CNTLN: variants seen among roughly 807,000 people sequenced by gnomAD.
The protein encoded by CNTLN is centlein.
Under a neutral mutation model 180.0 loss-of-function variants are expected in CNTLN, and 212 were observed. The observed-to-expected ratio is 1.18, with a 90% CI of 1.05 to 1.32. The LOEUF is 1.32. Among genes scored for constraint, CNTLN ranks in the 40% most tolerant of loss-of-function variants. CNTLN has a pLI of 0.00. For missense variants in CNTLN, 2,095 were observed against 1,610.9 expected (o/e 1.30, Z -5.14); for synonymous variants, 722 against 563.1 (o/e 1.28, Z -3.99).
At chr9:17,515,525 T>C in the CNTLN span, among the ~76,000 whole-genome samples, 14 of 152,158 alleles carry the variant, frequency 9.2e-5, no homozygotes, top group African/African-American at 3.4e-4. Context: ...ATGTCACATG[T>C]CCAGAGCTGA....
chr9:17,362,716 T>G (rs1823497285), intron 12 of CNTLN, among the ~76,000 whole-genome samples: 1 of 152,158 alleles, frequency 6.6e-6, no homozygotes, highest in African/African-American at 2.4e-5. Context: ...AATTTTTTTC[T>G]TGCACGTTTT....
chr9:17,352,313 C>G (rs1368629078), intron 12 of CNTLN, among the ~76,000 whole-genome samples: 2 of 150,128 alleles, frequency 1.3e-5, no homozygotes, highest in African/African-American at 2.4e-5. Context: ...TAGCTAAAAT[C>G]AAAATATTAT....
At chr9:17,218,844 A>G (rs1255695210) in intron 2 of CNTLN, among the ~76,000 whole-genome samples, 2 of 152,134 alleles carry the variant, frequency 1.3e-5, no homozygotes, top group African/African-American at 2.4e-5. Flanking sequence ...TCATTTTGAC[A>G]TCTCATTAAA....
intron 2 of CNTLN, among the ~76,000 whole-genome samples, chr9:17,187,165 T>A (rs1352627068): frequency 6.6e-6 from 1 of 152,116 alleles, no homozygotes; most frequent in Non-Finnish European, 1.5e-5. Flanking sequence ...CTTATTAGCT[T>A]TGATTTTGGG....
At chr9:17,209,931 T>C (rs1256303606) in intron 2 of CNTLN, among the ~76,000 whole-genome samples, 1 of 152,220 alleles carries the variant, frequency 6.6e-6, no homozygotes, top group Non-Finnish European at 1.5e-5. Flanking sequence ...TTTTTCCATC[T>C]TTATGGATGG....
intron 2 of CNTLN, among the ~76,000 whole-genome samples, chr9:17,174,224 T>C (rs1472061657): frequency 6.6e-6 from 1 of 152,230 alleles, no homozygotes; most frequent in Non-Finnish European, 1.5e-5. Context: ...TACCACAGTT[T>C]AGCCATTCAC....
chr9:17,478,861 A>C (rs1832492679), intron 23 of CNTLN, among the ~76,000 whole-genome samples: 1 of 152,062 alleles, frequency 6.6e-6, no homozygotes, highest in South Asian at 2.1e-4. Flanking sequence ...ATACTCTTTT[A>C]ATTATTGTAG....
chr9:17,419,514 T>A lies in CNTLN; in HGVS notation c.3114+3325T>A, dbSNP rs371809868. ...CACATGCAATGTTTAATTTTATAAA[T>A]TTATTTATGCTTCTCAGGTCATACA... is the stretch of plus-strand genomic sequence containing the variant. On this transcript the variant is annotated intron_variant, in intron 18 of 25. Coordinates refer to ENST00000380647, the MANE Select transcript of CNTLN (RefSeq NM_017738.4). Among the ~76,000 whole-genome samples, 14 of 152,298 alleles carry A rather than the reference T, an allele frequency of 9.2e-5. No individual in the cohort carries two copies. The East Asian group carries it at 9.6e-4, about 10-fold the overall frequency.
chr9:17,277,993 C>T (rs1828421298), intron 6 of CNTLN, among the ~76,000 whole-genome samples: 1 of 152,120 alleles, frequency 6.6e-6, no homozygotes, highest in African/African-American at 2.4e-5. Context: ...CACCCTTAGC[C>T]AGAAGGGACA....
chr9:17,198,896 A>T (rs1375268788), intron 2 of CNTLN, among the ~76,000 whole-genome samples: 1 of 152,094 alleles, frequency 6.6e-6, no homozygotes, highest in Admixed American at 6.5e-5. Flanking sequence ...TCTATGGTGT[A>T]TATGTGCCAC....
chr9:17,507,540 C>T (rs758808320), downstream of CNTLN, among the ~76,000 whole-genome samples: 7 of 152,228 alleles, frequency 4.6e-5, no homozygotes, highest in South Asian at 2.1e-4. Flanking sequence ...AATAGTAATT[C>T]GGTTTTTAGT....
intron 16 of CNTLN, among the ~76,000 whole-genome samples, chr9:17,414,479 T>C (rs1313866451): frequency 6.6e-6 from 1 of 152,162 alleles, no homozygotes; most frequent in Non-Finnish European, 1.5e-5. Flanking sequence ...TTAACAGTGC[T>C]CAGTGCGTGG....
intron 2 of CNTLN, among the ~76,000 whole-genome samples, chr9:17,144,868 T>C (rs1171040492): frequency 2.0e-5 from 3 of 149,042 alleles, no homozygotes; most frequent in Non-Finnish European, 3.0e-5. Context: ...GGAGTCTCGC[T>C]CTGTCGCCCA....
At chr9:17,193,450 A>G (rs1821919053) in intron 2 of CNTLN, among the ~76,000 whole-genome samples, 1 of 152,158 alleles carries the variant, frequency 6.6e-6, no homozygotes. Context: ...TGGCCAAAAC[A>G]AAGGGGTTAC....
chr9:17,278,473 G>C (rs1828456163), intron 6 of CNTLN, among the ~76,000 whole-genome samples: 1 of 152,022 alleles, frequency 6.6e-6, no homozygotes, highest in African/African-American at 2.4e-5. Context: ...ATTTGTTTCA[G>C]TCTACCTCTG....
intron 13 of CNTLN, among the ~76,000 whole-genome samples, chr9:17,380,156 A>T (rs763672651): frequency 1.7e-4 from 26 of 152,216 alleles, no homozygotes; most frequent in Non-Finnish European, 3.5e-4. Flanking sequence ...GGTCAAGTGG[A>T]TCAACATAGA....
chr9:17,263,901 T>C (rs1827202406), intron 5 of CNTLN, among the ~76,000 whole-genome samples: 2 of 140,816 alleles, frequency 1.4e-5, no homozygotes, highest in African/African-American at 5.6e-5. Flanking sequence ...TTTGTTTTTT[T>C]CTTGTAAATT....
At chr9:17,415,944 G>GTTTTAAAATAA in intron 17 of CNTLN, 22 bp from the exon 18 acceptor site, 8 of 1,589,562 alleles carry the variant, frequency 5.0e-6, no homozygotes, top group Non-Finnish European at 6.9e-6. Flanking sequence ...TTTAAAATAT[G>GTTTTAAAATAA]AACAATATTG....
chr9:17,307,972 C>CCA (rs3837233), intron 7 of CNTLN, among the ~76,000 whole-genome samples: 22,303 of 137,676 alleles, frequency 0.16, 1,699 homozygotes, highest in South Asian at 0.2. Context: ...GCCTTTAAAA[C>CCA]CACACACACA....
Sources: allele counts gnomAD v4.1 joint callset (sites outside exome capture counted in the v4.1 genomes callset), GRCh38; gene constraint gnomAD v4.1.1; transcripts MANE v1.5; gene names NCBI Gene and HGNC (gene_info 2026-07-23, HGNC 2026-07-21).